Variants in ABHD17C observed in about 807,000 individuals in gnomAD.
ABHD17C encodes the protein alpha/beta hydrolase domain-containing protein 17C.
In ABHD17C, 11 loss-of-function variants were observed where a neutral mutation model predicts 27.9. The ratio of observed to expected loss-of-function variants is 0.39; its 90% CI spans 0.25 to 0.65. The LOEUF is 0.65. Among genes scored for constraint, ABHD17C ranks in the 30% least tolerant of loss-of-function variants. ABHD17C has a pLI of 0.45. For synonymous variants in ABHD17C, 233 were observed against 209.1 expected (o/e 1.11, Z -0.98); for missense variants, 280 against 470.2 (o/e 0.60, Z 3.74).
intron 1 of ABHD17C, among the ~76,000 whole-genome samples, chr15:80,714,371 C>T (rs2627313): frequency 0.32 from 48,401 of 152,126 alleles, 9,434 homozygotes; most frequent in Non-Finnish European, 0.45. Flanking sequence ...ATTTTAATCG[C>T]CACCCATCTG....
chr15:80,729,721 A>G (rs1189089434), intron 1 of ABHD17C, among the ~76,000 whole-genome samples: 1 of 152,220 alleles, frequency 6.6e-6, no homozygotes, highest in Non-Finnish European at 1.5e-5. Context: ...GGCCGAGGAA[A>G]GGAACTTGCA....
intron 1 of ABHD17C, among the ~76,000 whole-genome samples, chr15:80,712,578 G>T (rs1894742235): frequency 6.6e-6 from 1 of 152,212 alleles, no homozygotes; most frequent in Non-Finnish European, 1.5e-5. Context: ...TAACAGAAGT[G>T]CTCAGAGGAG....
chr15:80,731,569 A>G (rs558026997), intron 1 of ABHD17C, among the ~76,000 whole-genome samples: 34 of 150,562 alleles, frequency 2.3e-4, no homozygotes, highest in African/African-American at 8.3e-4. Flanking sequence ...ATAGATCACG[A>G]GTAGAATGTT....
At chr15:80,747,684 G>A (rs1895308825) in intron 1 of ABHD17C, among the ~76,000 whole-genome samples, 1 of 152,166 alleles carries the variant, frequency 6.6e-6, no homozygotes, top group Admixed American at 6.5e-5. Context: ...AGAACGCCAG[G>A]CAAAACCTGC....
chr15:80,696,921 C>T (rs899477122), intron 1 of ABHD17C, among the ~76,000 whole-genome samples: 1 of 152,176 alleles, frequency 6.6e-6, no homozygotes, highest in African/African-American at 2.4e-5. Flanking sequence ...CCTTTCCGAC[C>T]TGCCTCATAG....
chr15:80,729,391 C>G (rs1360776297), intron 1 of ABHD17C, among the ~76,000 whole-genome samples: 4 of 152,012 alleles, frequency 2.6e-5, no homozygotes, highest in Non-Finnish European at 5.9e-5. Context: ...ATATTTTGTT[C>G]ATATTGTTTC....
intron 2 of ABHD17C, among the ~76,000 whole-genome samples, chr15:80,751,087 C>T (rs942272524): frequency 2.0e-5 from 3 of 151,906 alleles, no homozygotes; most frequent in Non-Finnish European, 4.4e-5. Context: ...TGATTGCTCA[C>T]GCCTGTAATC....
intron 1 of ABHD17C, among the ~76,000 whole-genome samples, chr15:80,734,306 C>T (rs1266356050): frequency 6.6e-6 from 1 of 152,150 alleles, no homozygotes; most frequent in Non-Finnish European, 1.5e-5. Context: ...TATAAGCCAG[C>T]TTGTGCAGTC....
intron 1 of ABHD17C, among the ~76,000 whole-genome samples, chr15:80,747,301 G>A (rs1034594110): frequency 2.0e-5 from 3 of 152,094 alleles, no homozygotes; most frequent in Non-Finnish European, 4.4e-5. Context: ...GATGAAAATT[G>A]TGGAGGGAGG....
At position 80,722,031 on chromosome 15, in the gene ABHD17C, G is replaced by A. The variant is rs968306266; in HGVS notation, c.590+26012G>A. The stretch of plus-strand genomic sequence containing the variant: ...TTTAGTTGCATGCTAATTTTGAGTC[G>A]GAATCCTCTCTGGGATTCAGGTGGT... On this transcript the variant is annotated intron_variant, in intron 1 of 2. Transcript: ENST00000258884. 5.9e-5 allele frequency among the ~76,000 whole-genome samples: 9 copies of A among 151,710 alleles called. No homozygotes were observed. The Middle Eastern group carries it at 0.01, about 173-fold the overall frequency.
intron 1 of ABHD17C, among the ~76,000 whole-genome samples, chr15:80,711,753 T>A (rs1275236239): frequency 4.6e-5 from 7 of 152,196 alleles, no homozygotes; most frequent in Non-Finnish European, 5.9e-5. Context: ...AGGCATTGGA[T>A]CTTCTGAAAC....
chr15:80,711,256 C>T (rs916216021), intron 1 of ABHD17C, among the ~76,000 whole-genome samples: 18 of 152,140 alleles, frequency 1.2e-4, no homozygotes, highest in African/African-American at 4.3e-4. Context: ...ATCGGATGCT[C>T]GCATGAATCA....
chr15:80,737,716 T>C (rs1596071248), intron 1 of ABHD17C, among the ~76,000 whole-genome samples: 1 of 152,040 alleles, frequency 6.6e-6, no homozygotes, highest in African/African-American at 2.4e-5. Context: ...AAGGACGAGG[T>C]AGGACCGGAA....
Position 80,713,354 on chromosome 15 carries a change from CTTTTTTTTTT to C in ABHD17C, c.590+17354_590+17363del, listed in dbSNP as rs67320992. ...GAAGGAAAGCCACTGAGGTCTTGTT[CTTTTTTTTTT>C]TTTTTTTTTTTTTTTTTTCAAAATC... is the stretch of plus-strand genomic sequence containing the variant. On this transcript the variant is annotated intron_variant, in intron 1 of 2. Coordinates refer to ENST00000258884, the MANE Select transcript of ABHD17C (RefSeq NM_021214.2). Among the ~76,000 whole-genome samples, 64 of 43,850 alleles carry C rather than the reference CTTTTTTTTTT, an allele frequency of 1.5e-3. 4 individuals are homozygous for C. Among genetic ancestry groups the C allele is most frequent in the African/African-American group, 5.8e-3 (58 of 10,052 alleles). The allele number at this position is 43,850 out of a possible 152,430, so 28.8% of individuals were successfully genotyped here. A position where few individuals can be genotyped will look rare whatever the true frequency, so the allele number is the denominator to read the frequency against.
intron 1 of ABHD17C, among the ~76,000 whole-genome samples, chr15:80,722,737 G>C (rs548867280): frequency 2.0e-5 from 3 of 152,008 alleles, no homozygotes; most frequent in African/African-American, 7.2e-5. Context: ...CTCCCCTAAC[G>C]CCTGGCAACC....
intron 1 of ABHD17C, among the ~76,000 whole-genome samples, chr15:80,741,552 C>T (rs1217763256): frequency 6.6e-6 from 1 of 151,870 alleles, no homozygotes; most frequent in Admixed American, 6.6e-5. Flanking sequence ...TACTGTAGAT[C>T]TTACCAACTT....
intron 1 of ABHD17C, among the ~76,000 whole-genome samples, chr15:80,720,775 G>A (rs761214977): frequency 6.6e-6 from 1 of 152,016 alleles, no homozygotes; most frequent in Non-Finnish European, 1.5e-5. Context: ...ACAAAAATTA[G>A]CCAGGCGTGG....
intron 1 of ABHD17C, among the ~76,000 whole-genome samples, chr15:80,733,202 G>C (rs943464993): frequency 1.3e-5 from 2 of 152,066 alleles, no homozygotes; most frequent in Middle Eastern, 6.8e-3. Context: ...CCCTGTCCCC[G>C]ACCTCCTCAT....
chr15:80,736,728 C>T (rs1019309473), intron 1 of ABHD17C, among the ~76,000 whole-genome samples: 3 of 152,222 alleles, frequency 2.0e-5, no homozygotes, highest in South Asian at 4.2e-4. Context: ...CTGTGCCAAG[C>T]GTGCTTCTCT....
Sources: gnomAD v4.1 joint callset for allele counts (sites outside exome capture counted in the v4.1 genomes callset) on GRCh38, gnomAD v4.1.1 for gene constraint, MANE v1.5 for transcripts, NCBI Gene and HGNC (gene_info 2026-07-23, HGNC 2026-07-21) for gene names.